Variants in PLAGL1 observed in about 807,000 individuals in gnomAD.
PLAGL1 encodes zinc finger protein PLAGL1.
In PLAGL1, 1 loss-of-function variant was observed where a neutral mutation model predicts 4.6. That is an observed-to-expected ratio of 0.22 (90% CI 0.08 to 1.03). The LOEUF is 1.03. Among genes scored for constraint, PLAGL1 ranks in the 50% least tolerant of loss-of-function variants. The pLI is 0.58. For synonymous variants in PLAGL1, 240 were observed against 237.8 expected, an observed-to-expected ratio of 1.01 and a Z score of -0.08; for missense variants, 464 against 570.4, an observed-to-expected ratio of 0.81 and a Z score of 1.90.
intron 1 of PLAGL1, among the ~76,000 whole-genome samples, chr6:144,044,372 A>C (rs556056941): frequency 6.6e-6 from 1 of 152,122 alleles, no homozygotes; most frequent in Non-Finnish European, 1.5e-5. Context: ...ATTCTGGTAC[A>C]TTGTGTCTTT....
chr6:143,993,954 C>T (rs946676119), intron 1 of PLAGL1, among the ~76,000 whole-genome samples: 1 of 152,026 alleles, frequency 6.6e-6, no homozygotes, highest in Non-Finnish European at 1.5e-5. Context: ...CCTTTGGCCC[C>T]CAGTACTCTA....
At chr6:143,969,779 A>G (rs937049617) in intron 2 of PLAGL1, among the ~76,000 whole-genome samples, 4 of 148,596 alleles carry the variant, frequency 2.7e-5, no homozygotes, top group African/African-American at 7.8e-5. Flanking sequence ...AATATGGGGG[A>G]AAAAAACACC....
chr6:144,004,000 C>T (rs771571186), intron 1 of PLAGL1, among the ~76,000 whole-genome samples: 7 of 152,176 alleles, frequency 4.6e-5, no homozygotes, highest in Non-Finnish European at 7.4e-5. Context: ...AAATGTTAAT[C>T]GACAAGAAAA....
At chr6:143,976,914 GCAT>G (rs1201213236) in intron 2 of PLAGL1, among the ~76,000 whole-genome samples, 1 of 152,142 alleles carries the variant, frequency 6.6e-6, no homozygotes. Flanking sequence ...TCCTGTCTAA[GCAT>G]TGCTATAAGT....
In PLAGL1 at chr6:143,947,625, AT is replaced by A. The variant is rs2128518491; in HGVS notation, c.152+359del. The stretch of plus-strand genomic sequence containing the variant: ...GTGTCACAGCTTAAAGATTGTCCCC[AT>A]CTGAGAAGCCGTCCCAGGTTTCATC... On this transcript the variant is annotated intron_variant, in intron 7 of 7. Transcript: ENST00000674357. This position sits in a 1 kb window ranked among gnomAD's most constrained non-coding sequence, Gnocchi z 4.3. Among the ~76,000 whole-genome samples the A allele has an allele frequency of 6.6e-6, 1 of 152,262 alleles. No homozygotes were observed. The highest frequency in any genetic ancestry group is 6.5e-5 in the Admixed American group (1 of 15,298).
At chr6:143,999,367 T>C (rs554958343) in intron 1 of PLAGL1, among the ~76,000 whole-genome samples, 12 of 152,318 alleles carry the variant, frequency 7.9e-5, no homozygotes, top group African/African-American at 2.2e-4. Flanking sequence ...GCTCAGTACA[T>C]CATTGGTGAA....
chr6:144,057,703 T>A (rs13203520), intron 1 of PLAGL1, among the ~76,000 whole-genome samples: 2,166 of 151,996 alleles, frequency 0.014, 15 homozygotes, highest in Non-Finnish European at 0.023. Context: ...TAAGTAGCTG[T>A]GCCCGAAGAG....
At chr6:144,052,870 T>C (rs1023459901) in intron 1 of PLAGL1, among the ~76,000 whole-genome samples, 8 of 152,226 alleles carry the variant, frequency 5.3e-5, no homozygotes, top group African/African-American at 1.9e-4. Flanking sequence ...ATATGCAACA[T>C]TGGTGCCCTC....
At chr6:144,045,890 T>C (rs1798109093) in intron 1 of PLAGL1, among the ~76,000 whole-genome samples, 1 of 152,252 alleles carries the variant, frequency 6.6e-6, no homozygotes, top group South Asian at 2.1e-4. Context: ...TTCATTTCTT[T>C]TACTCTTTTT....
intron 1 of PLAGL1, among the ~76,000 whole-genome samples, chr6:144,060,828 G>T (rs1799333065): frequency 6.6e-6 from 1 of 152,168 alleles, no homozygotes; most frequent in Non-Finnish European, 1.5e-5. Context: ...GAAAGGATAT[G>T]CAAGAAAATA....
At chr6:144,042,161 C>T (rs2128717901) in intron 1 of PLAGL1, among the ~76,000 whole-genome samples, 1 of 152,280 alleles carries the variant, frequency 6.6e-6, no homozygotes, top group African/African-American at 2.4e-5. Context: ...TTTTGCTGTG[C>T]AGAACCTCTT....
rs1371877734 is a variant in PLAGL1 at position 143,963,698 on chromosome 6, C to A, written c.-399+1089G>T. On this transcript the variant is annotated intron_variant, in intron 5 of 7. Transcript: ENST00000674357. The surrounding 1 kb of genome is among the most constrained non-coding windows in gnomAD (Gnocchi z 6.1). ...AGCCTCTCCAAACTTAGAAGCTCTG[C>A]AGTCTAGATTGTTCTCAGAGATTAA... 6.6e-6 allele frequency among the ~76,000 whole-genome samples: 1 copy of A among 152,192 alleles called. No homozygotes were observed. Among genetic ancestry groups the A allele is most frequent in the Non-Finnish European group, 1.5e-5 (1 of 68,026 alleles).
chr6:143,953,778 C>T lies in PLAGL1; in HGVS notation c.-324-5318G>A, dbSNP rs186813136. The stretch of plus-strand genomic sequence containing the variant: ...TAAAGTTTAAGCCAGCATTAAGAGG[C>T]AACAAAACAACCTGCTATACCCTGA... On this transcript the variant is annotated intron_variant, in intron 6 of 7. Transcript: ENST00000674357. The surrounding 1 kb of genome is among the most constrained non-coding windows in gnomAD (Gnocchi z 5.3). Among the ~76,000 whole-genome samples the T allele has an allele frequency of 1.4e-4, 22 of 152,304 alleles. No individual in the cohort carries two copies. The highest frequency in any genetic ancestry group is 5.3e-4 in the African/African-American group (22 of 41,562).
upstream of PLAGL1, among the ~76,000 whole-genome samples, chr6:144,012,407 T>G (rs988953275): frequency 1.3e-5 from 2 of 151,830 alleles, no homozygotes; most frequent in Non-Finnish European, 2.9e-5. The surrounding 1 kb of genome is among the most constrained non-coding windows in gnomAD (Gnocchi z 4.8). Context: ...GAGGCTGGTA[T>G]GGGGGTGCTG....
In PLAGL1 at chr6:143,964,365, G is replaced by T. The variant is rs1295465866; in HGVS notation, c.-399+422C>A. On this transcript the variant is annotated intron_variant, in intron 5 of 7. Coordinates refer to ENST00000674357, the MANE Select transcript of PLAGL1 (RefSeq NM_001317162.2). The surrounding 1 kb of genome is among the most constrained non-coding windows in gnomAD (Gnocchi z 4.3). ...GGCCATGAAAATCTCCAGGTCCTAGGACACACTCCATGGGGGAAGGGGAAG... is the reference window on the plus strand; with the variant it reads ...GGCCATGAAAATCTCCAGGTCCTAGTACACACTCCATGGGGGAAGGGGAAG... 2.0e-5 allele frequency among the ~76,000 whole-genome samples: 3 copies of T among 152,146 alleles called. No individual in the cohort carries two copies. Among genetic ancestry groups the T allele is most frequent in the Non-Finnish European group, 4.4e-5 (3 of 68,028 alleles).
chr6:144,041,962 T>A (rs1479619962), intron 1 of PLAGL1, among the ~76,000 whole-genome samples: 5 of 152,238 alleles, frequency 3.3e-5, no homozygotes, highest in African/African-American at 1.2e-4. Context: ...CATGTGTCTG[T>A]TGGCTGCATA....
In PLAGL1 at chr6:144,004,114, G is replaced by C. The variant is rs1793605752; in HGVS notation, c.-584+3976C>G. ...AATGGCCACGTGGTAAATAGTTTAG[G>C]CTTTGTGGGCCATATGGCCTCTATA... On this transcript the variant is annotated intron_variant, in intron 1 of 7. Coordinates refer to ENST00000674357, the MANE Select transcript of PLAGL1 (RefSeq NM_001317162.2). This position sits in a 1 kb window ranked among gnomAD's most constrained non-coding sequence, Gnocchi z 4.2. Among the ~76,000 whole-genome samples, 1 of 152,128 alleles carries C rather than the reference G, an allele frequency of 6.6e-6. No individual in the cohort carries two copies. Among genetic ancestry groups the C allele is most frequent in the Admixed American group, 6.5e-5 (1 of 15,270 alleles).
rs927953800 is a variant in PLAGL1 at position 143,995,302 on chromosome 6, G to A, written c.-583-10128C>T. 3.9e-5 allele frequency among the ~76,000 whole-genome samples: 6 copies of A among 152,246 alleles called. No homozygotes were observed. Among genetic ancestry groups the A allele is most frequent in the South Asian group, 2.1e-4 (1 of 4,828 alleles). ...TATTATGCAGATTATTTGTATGCAC[G>A]TATCAAGCTACCCTTTTCATATCAT... is the stretch of plus-strand genomic sequence containing the variant. On this transcript the variant is annotated intron_variant, in intron 1 of 7. Coordinates refer to ENST00000674357, the MANE Select transcript of PLAGL1 (RefSeq NM_001317162.2). The surrounding 1 kb of genome is among the most constrained non-coding windows in gnomAD (Gnocchi z 4.4).
Position 143,985,448 on chromosome 6 carries a change from T to C in PLAGL1, c.-583-274A>G, listed in dbSNP as rs917072945. Among the ~76,000 whole-genome samples, 2 of 152,160 alleles carry C rather than the reference T, an allele frequency of 1.3e-5. No individual in the cohort carries two copies. Among genetic ancestry groups the C allele is most frequent in the Admixed American group, 6.5e-5 (1 of 15,278 alleles). ...TGTAGGCTCACATATCTACCACTAGTCAAAATATTGAACAGTTCCATCACA... is the reference window on the plus strand; with the variant it reads ...TGTAGGCTCACATATCTACCACTAGCCAAAATATTGAACAGTTCCATCACA... On this transcript the variant is annotated intron_variant, in intron 1 of 7. Transcript: ENST00000674357. The surrounding 1 kb of genome is among the most constrained non-coding windows in gnomAD (Gnocchi z 4.4).
Sources: allele counts gnomAD v4.1 joint callset (sites outside exome capture counted in the v4.1 genomes callset), GRCh38; gene constraint gnomAD v4.1.1; non-coding constraint Gnocchi (gnomAD v3.1); transcripts MANE v1.5; gene names NCBI Gene and HGNC (gene_info 2026-07-23, HGNC 2026-07-21).